Variants in CARHSP1 observed in about 807,000 individuals in gnomAD.
The protein encoded by CARHSP1 is calcium regulated heat stable protein 1, also known as calcium-regulated heat-stable protein 1.
Under a neutral mutation model 12.5 loss-of-function variants are expected in CARHSP1, and 14 were observed. That is an observed-to-expected ratio of 1.12 (90% CI 0.74 to 1.75). CARHSP1 has a LOEUF of 1.75. Ranked by LOEUF, CARHSP1 falls within the 40% of genes most tolerant of loss-of-function variation. The pLI is 0.00. For synonymous variants in CARHSP1, 161 were observed against 82.0 expected (o/e 1.96, Z -5.20); for missense variants, 343 against 201.6 (o/e 1.70, Z -4.25).
rs1434944483 is a variant in CARHSP1 at position 8,855,042 on chromosome 16, TGA to T, written c.*120_*121del. On this transcript the variant is annotated 3_prime_UTR_variant, in exon 4 of 4. Transcript: ENST00000311052. Reference sequence around the variant, plus strand: ...CATACCCCTTCCTCCAGGAGATACTTGAGAGGGACCATGCCCGGCTGAAGCCC... The same window carrying T: ...CATACCCCTTCCTCCAGGAGATACTTGAGGGACCATGCCCGGCTGAAGCCC... 6.2e-6 allele frequency: 5 copies of T among 808,580 alleles called. No homozygotes were observed. In the Admixed American group the frequency reaches 1.0e-4, roughly 17 times the overall value. 50.1% of individuals were successfully genotyped at this position (808,580 alleles called of 1,614,324 possible).
At chr16:8,861,158 ATTTTTTTTTTTTTTTTTTTTTTT>A (rs765114977) in intron 1 of CARHSP1, among the ~76,000 whole-genome samples, 40 of 51,266 alleles carry the variant, frequency 7.8e-4, no homozygotes, top group African/African-American at 2.9e-3. Flanking sequence ...TCCATGCCTA[ATTTTTTTTTTTTTTTTTTTTTTT>A]TTTTTTTTTT....
At position 8,861,659 on chromosome 16, in the gene CARHSP1, A is replaced by G. The variant is rs540983429; in HGVS notation, c.-7-2324T>C. The stretch of plus-strand genomic sequence containing the variant: ...TGGCTTGCCTTCTGGAGGAGGTGGC[A>G]TCCTACCTCCTGTCCCTTCTCTCAG... On this transcript the variant is annotated intron_variant, in intron 1 of 3. Transcript: ENST00000311052. 1.6e-5 allele frequency: 20 copies of G among 1,289,056 alleles called. No homozygotes were observed. The East Asian group carries it at 8.9e-4, about 57-fold the overall frequency. The allele number at this position is 1,289,056 out of a possible 1,614,324, so 79.9% of individuals were successfully genotyped here.
chr16:8,860,449 A>C, intron 1 of CARHSP1: 1 of 985,388 alleles, frequency 1.0e-6, no homozygotes, highest in Non-Finnish European at 1.2e-6. Flanking sequence ...TAATCACTGA[A>C]CATTGAATAT....
At chr16:8,867,001 T>C (rs952533262) in intron 1 of CARHSP1, among the ~76,000 whole-genome samples, 1 of 152,046 alleles carries the variant, frequency 6.6e-6, no homozygotes, top group Non-Finnish European at 1.5e-5. Flanking sequence ...GCCTCCAACA[T>C]TGCCATTGCC....
rs539251894 is a variant in CARHSP1 at position 8,855,336 on chromosome 16, C to CATAA, written c.282-14_282-11dup. The CATAA allele has an allele frequency of 5.0e-4, 775 of 1,541,936 alleles. 6 individuals are homozygous for CATAA. In the Middle Eastern group the frequency reaches 0.011, roughly 23 times the overall value. ...ATACTCCCCTTCCACACTACGGGGG[C>CATAA]ATAAATAAAGCAGTCAGGGCTCACA... On this transcript the variant is annotated splice_polypyrimidine_tract_variant and intron_variant, in intron 3 of 3. Transcript: ENST00000311052.
At chr16:8,860,000 G>C (rs2061298729) in intron 1 of CARHSP1, 2 of 276,394 alleles carry the variant, frequency 7.2e-6, no homozygotes, top group Non-Finnish European at 1.1e-5. Flanking sequence ...CAAAGCCAGG[G>C]AGATTTTAAT....
At chr16:8,855,521 GGA>G (rs2061072147) in intron 3 of CARHSP1, among the ~76,000 whole-genome samples, 195 bp from the exon 4 acceptor site, 1 of 152,192 alleles carries the variant, frequency 6.6e-6, no homozygotes, top group Non-Finnish European at 1.5e-5. Flanking sequence ...TCCTAGGCAA[GGA>G]GGCCCTGGCC....
chr16:8,865,368 C>G (rs1046653558), intron 1 of CARHSP1, among the ~76,000 whole-genome samples: 14 of 152,190 alleles, frequency 9.2e-5, no homozygotes, highest in African/African-American at 3.1e-4. Context: ...CTTCAGCCTC[C>G]CAAAGTCCTC....
chr16:8,858,434 A>G lies in CARHSP1; in HGVS notation c.197T>C (p.Val66Ala). ...RASQGPVYKG[V>A]CKCFCRSKGH... ...CTTGGACCGGCAGAAGCATTTGCAG[A>G]CTCCTTTGTAGACGGGGCCCTGTGA... The change falls in exon 3 of 4, where the codon GTC becomes GCC. Residue 66 changes from valine (V) to alanine (A), a missense_variant. Physicochemically the swap from Val to Ala is moderately conservative, Grantham distance 64. Transcript: ENST00000311052. 6.2e-7 allele frequency: 1 copy of G among 1,613,592 alleles called. No homozygotes were observed. Among genetic ancestry groups the G allele is most frequent in the Non-Finnish European group, 8.5e-7 (1 of 1,179,912 alleles).
chr16:8,861,084 A>G (rs887646235), intron 1 of CARHSP1, among the ~76,000 whole-genome samples: 3 of 145,586 alleles, frequency 2.1e-5, no homozygotes, highest in Non-Finnish European at 3.0e-5. Context: ...TTTTTGAGAC[A>G]GTGTCTCACT....
At chr16:8,864,158 CAT>C (rs1000425285) in intron 1 of CARHSP1, among the ~76,000 whole-genome samples, 10 of 152,216 alleles carry the variant, frequency 6.6e-5, no homozygotes, top group African/African-American at 9.6e-5. Context: ...GGTGTATGCA[CAT>C]GTGTATGTGT....
intron 2 of CARHSP1, 74 bp from the exon 3 acceptor site, chr16:8,858,546 C>T (rs1253332058): frequency 3.2e-6 from 5 of 1,563,892 alleles, no homozygotes; most frequent in Admixed American, 1.8e-5. Flanking sequence ...AGCCCCTGCC[C>T]ACAGCTGTGC....
chr16:8,863,112 C>CTTATTTTT (rs2061395586), intron 1 of CARHSP1, among the ~76,000 whole-genome samples: 1 of 74,130 alleles, frequency 1.3e-5, no homozygotes, highest in Non-Finnish European at 2.3e-5. Context: ...ACAAGGATGG[C>CTTATTTTT]TTTTTTTTTT....
chr16:8,865,209 A>C (rs1046560760), intron 1 of CARHSP1, among the ~76,000 whole-genome samples: 3 of 152,180 alleles, frequency 2.0e-5, no homozygotes, highest in Non-Finnish European at 4.4e-5. Flanking sequence ...CCCCAGGTTC[A>C]AGCGATTCTC....
intron 1 of CARHSP1, among the ~76,000 whole-genome samples, chr16:8,863,382 G>A (rs2141121434): frequency 6.6e-6 from 1 of 152,246 alleles, no homozygotes; most frequent in Non-Finnish European, 1.5e-5. Flanking sequence ...CAAAGTGCTG[G>A]GATTACAGGC....
At chr16:8,858,494 C>A (rs370379867) in intron 2 of CARHSP1, 22 bp from the exon 3 acceptor site, 3 of 1,611,398 alleles carry the variant, frequency 1.9e-6, no homozygotes, top group Non-Finnish European at 2.5e-6. Context: ...GGGGAAATGT[C>A]AGGGGCCCCA....
intron 1 of CARHSP1, among the ~76,000 whole-genome samples, chr16:8,862,388 G>T (rs2061381839): frequency 6.6e-6 from 1 of 152,142 alleles, no homozygotes; most frequent in African/African-American, 2.4e-5. Context: ...AGCTACGACT[G>T]TTGTTATAAT....
chr16:8,858,806 C>T, intron 2 of CARHSP1: 2 of 415,646 alleles, frequency 4.8e-6, no homozygotes, highest in Non-Finnish European at 8.6e-6. Context: ...GGCCTGAGAC[C>T]TGCATCTGCC....
rs1031105924 is a variant in CARHSP1, at chr16:8,855,096, C to G, written c.*68G>C. The G allele has an allele frequency of 3.7e-6, 5 of 1,362,358 alleles. No individual in the cohort carries two copies. In the East Asian group the frequency reaches 1.3e-4, roughly 36 times the overall value. The allele number at this position is 1,362,358 out of a possible 1,614,324, so 84.4% of individuals were successfully genotyped here. On this transcript the variant is annotated 3_prime_UTR_variant, in exon 4 of 4. Coordinates refer to ENST00000311052, the MANE Select transcript of CARHSP1 (RefSeq NM_014316.4). Reference sequence around the variant, plus strand: ...GTCTCGTGTGGAAGAATGTCATCTCCAGTGTCTGCTGCCTCCTCCCTGCAA... The same window carrying G: ...GTCTCGTGTGGAAGAATGTCATCTCGAGTGTCTGCTGCCTCCTCCCTGCAA...
Sources: gnomAD v4.1 joint callset for allele counts (sites outside exome capture counted in the v4.1 genomes callset) on GRCh38, gnomAD v4.1.1 for gene constraint, MANE v1.5 for transcripts, NCBI Gene and HGNC (gene_info 2026-07-23, HGNC 2026-07-21) for gene names.